The following RSRP1 variants were observed in gnomAD, a reference collection of about 807,000 sequenced individuals.
RSRP1 encodes the protein arginine/serine-rich protein 1.
A neutral mutation model predicts 33.0 loss-of-function variants in RSRP1; 37 were observed. That is an observed-to-expected ratio of 1.12 (90% CI 0.86 to 1.48). The LOEUF is 1.48. Among genes scored for constraint, RSRP1 ranks in the 40% most tolerant of loss-of-function variants. The pLI is 0.00. For synonymous variants in RSRP1, 167 were observed against 158.7 expected, an observed-to-expected ratio of 1.05 and a Z score of -0.40; for missense variants, 402 against 385.3, an observed-to-expected ratio of 1.04 and a Z score of -0.36.
At chr1:25,284,231 G>A (rs1193820815) in intron 1 of RSRP1, among the ~76,000 whole-genome samples, 1 of 136,124 alleles carries the variant, frequency 7.3e-6, no homozygotes, top group African/African-American at 2.5e-5. Flanking sequence ...GAGTGTCCAT[G>A]TGCGTCAAGC....
intron 1 of RSRP1, among the ~76,000 whole-genome samples, chr1:25,269,211 A>G (rs891683737): frequency 3.8e-5 from 5 of 133,022 alleles, no homozygotes; most frequent in African/African-American, 1.3e-4. Context: ...CAGTTGGGCA[A>G]AATCCTCTAA....
At chr1:25,260,950 C>T (rs1245379808) in intron 1 of RSRP1, among the ~76,000 whole-genome samples, 2 of 152,024 alleles carry the variant, frequency 1.3e-5, no homozygotes, top group African/African-American at 2.4e-5. Flanking sequence ...TACAGGTGCC[C>T]GCCATCATGT....
chr1:25,242,503 G>A lies in RSRP1; in HGVS notation c.*86C>T. On this transcript the variant is annotated 3_prime_UTR_variant, in exon 5 of 5. Transcript: ENST00000243189. ...TTTAAATGCACAAGTACCCCTGAAT[G>A]GCTCAAAGGGATGGGATAATGCTAG... 1 of 780,974 alleles carries A rather than the reference G, an allele frequency of 1.3e-6. No individual in the cohort carries two copies. Among genetic ancestry groups the A allele is most frequent in the Non-Finnish European group, 2.1e-6 (1 of 468,476 alleles). The allele number at this position is 780,974 out of a possible 1,614,324, so 48.4% of individuals were successfully genotyped here.
In RSRP1 at chr1:25,306,764, A is replaced by G. The variant is rs1447367559; in HGVS notation, c.-67+31214T>C. The G allele has an allele frequency of 7.3e-6, 10 of 1,366,346 alleles. 2 individuals carry two copies. Among genetic ancestry groups the G allele is most frequent in the Non-Finnish European group, 9.3e-6 (9 of 970,892 alleles). The allele number at this position is 1,366,346 out of a possible 1,614,324, so 84.6% of individuals were successfully genotyped here. On this transcript the variant is annotated intron_variant, in intron 1 of 1. Transcript: ENST00000561867. ...TGGGCTTACCCCCCATCCCCTTAACACTCCCCTCCAACTCAGGAAGAAATG... is the reference window on the plus strand; with the variant it reads ...TGGGCTTACCCCCCATCCCCTTAACGCTCCCCTCCAACTCAGGAAGAAATG...
intron 1 of RSRP1, among the ~76,000 whole-genome samples, chr1:25,259,309 T>C (rs1424948492): frequency 6.6e-6 from 1 of 152,004 alleles, no homozygotes; most frequent in African/African-American, 2.4e-5. Flanking sequence ...GCCAGGCTGA[T>C]CTCAAACTCC....
Position 25,242,666 on chromosome 1 carries a change from C to G in RSRP1, c.796G>C (p.Ala266Pro), listed in dbSNP as rs954117857. The G allele has an allele frequency of 1.2e-6, 2 of 1,611,134 alleles. No homozygotes were observed. Among genetic ancestry groups the G allele is most frequent in the Admixed American group, 1.7e-5 (1 of 59,916 alleles). The change falls in exon 5 of 5, where the codon GCC (alanine) becomes CCC (proline). Residue 266 changes from alanine to proline, a missense_variant. Coordinates refer to ENST00000243189, the MANE Select transcript of RSRP1 (RefSeq NM_020317.5). ...GATCTTGAAGATGCCTCTTCTGTGG[C>G]AGCTTTAGCTGATTTTTGTATTGGC... The part of the protein sequence containing the change: ...AKPIQKSAKA[A>P]TEEASSRSPK...
chr1:25,280,732 C>G (rs1411275710), intron 1 of RSRP1, among the ~76,000 whole-genome samples: 1 of 130,206 alleles, frequency 7.7e-6, no homozygotes, highest in African/African-American at 2.6e-5. Context: ...CTACCTCACC[C>G]TCCTGAGTAG....
intron 1 of RSRP1, among the ~76,000 whole-genome samples, chr1:25,280,604 C>T (rs1390422979): frequency 1.5e-5 from 1 of 65,124 alleles, no homozygotes; most frequent in African/African-American, 4.0e-5. Context: ...CTGTGCCTGG[C>T]CTTTTTTTTT....
chr1:25,316,618 GAAAAAAAAA>G (rs1171433774), intron 1 of RSRP1, among the ~76,000 whole-genome samples: 1 of 40,632 alleles, frequency 2.5e-5, no homozygotes, highest in Admixed American at 2.9e-4. Context: ...AACAAAAACA[GAAAAAAAAA>G]AAAAAAAAAG....
In RSRP1 at chr1:25,330,953, C is replaced by CTTTTTTTTTTT. The variant is rs71014353; in HGVS notation, c.-67+7014_-67+7024dup. Among the ~76,000 whole-genome samples, 7 of 34,730 alleles carry CTTTTTTTTTTT rather than the reference C, an allele frequency of 2.0e-4. 1 individual carries two copies. Among genetic ancestry groups the CTTTTTTTTTTT allele is most frequent in the African/African-American group, 6.8e-4 (7 of 10,252 alleles). The allele number at this position is 34,730 out of a possible 152,430, so 22.8% of individuals were successfully genotyped here. ...CTTTTACACTTCTGGTGTCATCTTC[C>CTTTTTTTTTTT]TTTTTTTTTTTTTTTTTTTTTTTTT... On this transcript the variant is annotated intron_variant, in intron 1 of 1. Transcript: ENST00000561867.
At chr1:25,256,148 T>C (rs1255243141) in intron 1 of RSRP1, among the ~76,000 whole-genome samples, 1 of 126,316 alleles carries the variant, frequency 7.9e-6, no homozygotes, top group Non-Finnish European at 1.7e-5. Flanking sequence ...TATCCGGATC[T>C]TTTTTTTTTT....
chr1:25,299,705 C>T (rs568036567), intron 1 of RSRP1, among the ~76,000 whole-genome samples: 7 of 132,380 alleles, frequency 5.3e-5, no homozygotes, highest in Non-Finnish European at 8.9e-5. Flanking sequence ...ACATGGGAGC[C>T]GCTGGAGGCT....
chr1:25,293,603 G>A lies in RSRP1; in HGVS notation c.-67+44375C>T, dbSNP rs111903366. 9.9e-3 allele frequency among the ~76,000 whole-genome samples: 1,294 copies of A among 130,864 alleles called. 183 individuals are homozygous for A. Among genetic ancestry groups the A allele is most frequent in the African/African-American group, 0.032 (1,225 of 38,400 alleles). The allele number at this position is 130,864 out of a possible 152,430, so 85.9% of individuals were successfully genotyped here. ...CTGTATCTTCAGAAGCACTCCAAGC[G>A]TTTCTTCCTAGGATTTAGAAATTTA... is the stretch of plus-strand genomic sequence containing the variant. On this transcript the variant is annotated intron_variant, in intron 1 of 1. Coordinates refer to the RSRP1 transcript ENST00000561867.
intron 1 of RSRP1, among the ~76,000 whole-genome samples, chr1:25,334,198 G>A (rs1645050846): frequency 7.6e-6 from 1 of 131,922 alleles, no homozygotes; most frequent in Non-Finnish European, 1.8e-5. Flanking sequence ...CAGGCATTGG[G>A]TAAATACAGC....
At position 25,321,542 on chromosome 1, in the gene RSRP1, C is replaced by T. The variant is rs572544850; in HGVS notation, c.-67+16436G>A. Among the ~76,000 whole-genome samples the T allele has an allele frequency of 2.5e-5, 3 of 120,560 alleles. 1 individual carries two copies. The highest frequency in any genetic ancestry group is 8.3e-5 in the African/African-American group (3 of 36,114). The allele number at this position is 120,560 out of a possible 152,430, so 79.1% of individuals were successfully genotyped here. On this transcript the variant is annotated intron_variant, in intron 1 of 1. Transcript: ENST00000561867. The stretch of plus-strand genomic sequence containing the variant: ...AAAATTAGCTGGATGTGGTGGCAGG[C>T]GCCTATAATCTCAGCTACTTGGGAG...
At position 25,280,570 on chromosome 1, in the gene RSRP1, T is replaced by A. The variant is rs1351379125; in HGVS notation, c.-66-33541A>T. On this transcript the variant is annotated intron_variant, in intron 1 of 1. Transcript: ENST00000561867. Reference sequence around the variant, plus strand: ...ATCTGCCCACCTCAGCCTCCCAAAGTGCTAGGATTACAGACATAAGCCACT... The same window carrying A: ...ATCTGCCCACCTCAGCCTCCCAAAGAGCTAGGATTACAGACATAAGCCACT... 1.6e-5 allele frequency among the ~76,000 whole-genome samples: 2 copies of A among 125,578 alleles called. 1 individual carries two copies. The highest frequency in any genetic ancestry group is 5.4e-5 in the African/African-American group (2 of 37,162). 82.4% of individuals were successfully genotyped at this position (125,578 alleles called of 152,430 possible). A position where few individuals can be genotyped will look rare whatever the true frequency, so the allele number is the denominator to read the frequency against.
rs766831672 is a variant in RSRP1 at position 25,306,822 on chromosome 1, C to A, written c.-67+31156G>T. 5 of 1,136,198 alleles carry A rather than the reference C, an allele frequency of 4.4e-6. 1 individual carries two copies. Among genetic ancestry groups the A allele is most frequent in the Non-Finnish European group, 6.6e-6 (5 of 761,870 alleles). The allele number at this position is 1,136,198 out of a possible 1,614,324, so 70.4% of individuals were successfully genotyped here. A position where few individuals can be genotyped will look rare whatever the true frequency, so the allele number is the denominator to read the frequency against. Reference sequence around the variant, plus strand: ...AGTCCTTAGCTGGGGCGTGTGCACTCGGGGCCAGGTGCTCAGTAGGCTTCG... The same window carrying A: ...AGTCCTTAGCTGGGGCGTGTGCACTAGGGGCCAGGTGCTCAGTAGGCTTCG... On this transcript the variant is annotated intron_variant, in intron 1 of 1. Transcript: ENST00000561867.
intron 1 of RSRP1, among the ~76,000 whole-genome samples, chr1:25,275,953 C>T (rs1301037809): frequency 2.3e-5 from 3 of 132,152 alleles, no homozygotes. Flanking sequence ...TTTTTCTGCA[C>T]GAGTTGGTTA....
chr1:25,273,045 A>T (rs1238867097), intron 1 of RSRP1, among the ~76,000 whole-genome samples: 1 of 131,408 alleles, frequency 7.6e-6, no homozygotes, highest in East Asian at 2.0e-4. Context: ...TTATTTTTAT[A>T]GATTTAGGGG....
Sources: allele counts gnomAD v4.1 joint callset (sites outside exome capture counted in the v4.1 genomes callset), GRCh38; gene constraint gnomAD v4.1.1; transcripts MANE v1.5; gene names NCBI Gene and HGNC (gene_info 2026-07-23, HGNC 2026-07-21).